Variants in SCAF1 observed in about 807,000 individuals in gnomAD.
SCAF1 encodes the protein splicing factor, arginine/serine-rich 19.
SCAF1 carries 28 observed loss-of-function variants against 91.2 expected under a neutral mutation model. The observed-to-expected ratio is 0.31, with a 90% confidence interval of 0.23 to 0.42. The LOEUF is 0.42. Among genes scored for constraint, SCAF1 ranks in the 10% least tolerant of loss-of-function variants. The probability of loss-of-function intolerance (pLI) is 1.00; values close to 1 mark genes in which losing one functional copy is unlikely to be tolerated. For synonymous variants in SCAF1, 1,036 were observed against 833.7 expected, an observed-to-expected ratio of 1.24 and a Z score of -4.18; for missense variants, 1,893 against 1,872.1, an observed-to-expected ratio of 1.01 and a Z score of -0.21.
chr19:49,645,405 G>C lies in SCAF1; in HGVS notation c.160G>C (p.Asp54His). 6.2e-7 allele frequency: 1 copy of C among 1,613,634 alleles called. No homozygotes were observed. Residue 54 changes from aspartate to histidine, a missense_variant, in exon 3 of 11, where the codon GAT (aspartate) becomes CAT (histidine). Transcript: ENST00000360565. The surrounding 1 kb of genome is among the most constrained non-coding windows in gnomAD (Gnocchi z 4.6). ...CTCCCTGCAGGGGGACCTGCCCAAT[G>C]ATAAAGGTATGGCGGCTTCCGGTTC... ...GSSLQGDLPNDKDGSRCHGLR... is the reference protein window; with the variant it reads ...GSSLQGDLPNHKDGSRCHGLR...
rs1220513337 is a variant in SCAF1, at chr19:49,651,672, C to T, written c.1283C>T (p.Thr428Met). 3 of 1,405,880 alleles carry T rather than the reference C, an allele frequency of 2.1e-6. No homozygotes were observed. The highest frequency in any genetic ancestry group is 2.8e-6 in the Non-Finnish European group (3 of 1,090,186). 87.1% of individuals were successfully genotyped at this position (1,405,880 alleles called of 1,614,324 possible). Residue 428 changes from threonine to methionine, a missense_variant, in exon 7 of 11, where the codon ACG becomes ATG. Around this residue, in one of 5 missense-constraint regions of SCAF1, gnomAD observed 1,436 missense variants for 1,306.8 expected, o/e 1.10. Coordinates refer to ENST00000360565, the MANE Select transcript of SCAF1 (RefSeq NM_021228.3). ...ACACCGGCCGCCTCGGCCACCCCCACGGCCCAGCCCCTTCCTCAGCCTCCC... is the reference window on the plus strand; with the variant it reads ...ACACCGGCCGCCTCGGCCACCCCCATGGCCCAGCCCCTTCCTCAGCCTCCC... ...RPTPAASATP[T>M]AQPLPQPPAP... is the part of the protein sequence containing the mutation.
intron 7 of SCAF1, among the ~76,000 whole-genome samples, chr19:49,653,965 G>A (rs2081122086): frequency 6.6e-6 from 1 of 152,196 alleles, no homozygotes. Context: ...ACGGGGAGTA[G>A]GAGAGAGGGA....
rs2081109897 is a variant in SCAF1, at chr19:49,652,913, C to T, written c.2524C>T (p.Arg842Cys). ...GCAGTCCAAGGTGGCGGTGCTGATC[C>T]GCGAGGGTGTCAGCAGCACCACCCC... is the stretch of plus-strand genomic sequence containing the variant. ...KLQSKVAVLI[R>C]EGVSSTTPAK... is the part of the protein sequence containing the mutation. The change falls in exon 7 of 11, where the codon CGC becomes TGC. Residue 842 changes from arginine to cysteine, a missense_variant. By Grantham distance (180) the Arg-to-Cys change is radical. Transcript: ENST00000360565. 4 of 1,613,808 alleles carry T rather than the reference C, an allele frequency of 2.5e-6. No homozygotes were observed. The highest frequency in any genetic ancestry group is 3.4e-6 in the Non-Finnish European group (4 of 1,179,966).
rs758473515 is a variant in SCAF1, at chr19:49,652,075, C to A, written c.1686C>A (p.Pro562=). 8.3e-7 allele frequency: 1 copy of A among 1,203,922 alleles called. No individual in the cohort carries two copies. The highest frequency in any genetic ancestry group is 1.0e-6 in the Non-Finnish European group (1 of 956,660). The allele number at this position is 1,203,922 out of a possible 1,614,324, so 74.6% of individuals were successfully genotyped here. The change falls in exon 7 of 11, where the codon CCC becomes CCA. Residue 562 remains proline (P), a synonymous_variant. Coordinates refer to ENST00000360565, the MANE Select transcript of SCAF1 (RefSeq NM_021228.3). Reference sequence around the variant, plus strand: ...AGCACCGCTCGCGGGACCGCAAGCCCGGCTCCCACGCCTCGTCGTCCGCCC... The same window carrying A: ...AGCACCGCTCGCGGGACCGCAAGCCAGGCTCCCACGCCTCGTCGTCCGCCC... ...SKKHRSRDRK[P]GSHASSSARR...
intron 1 of SCAF1, among the ~76,000 whole-genome samples, chr19:49,643,106 A>G (rs2081036423): frequency 6.6e-6 from 1 of 152,220 alleles, no homozygotes; most frequent in African/African-American, 2.4e-5. Flanking sequence ...CAGCTTAGAT[A>G]TACTTGCCCT....
chr19:49,646,458 T>G lies in SCAF1; in HGVS notation c.262-68T>G. 5 of 1,380,144 alleles carry G rather than the reference T, an allele frequency of 3.6e-6. No individual in the cohort carries two copies. The highest frequency in any genetic ancestry group is 1.2e-5 in the South Asian group (1 of 86,284). 85.5% of individuals were successfully genotyped at this position (1,380,144 alleles called of 1,614,324 possible). A position where few individuals can be genotyped will look rare whatever the true frequency, so the allele number is the denominator to read the frequency against. On this transcript the variant is annotated intron_variant, in intron 4 of 10. Transcript: ENST00000360565. The surrounding 1 kb of genome is among the most constrained non-coding windows in gnomAD (Gnocchi z 5.6). Reference sequence around the variant, plus strand: ...TCTGGGTTCCTGAGAGGTTAGGGAGTGGGGAAGCAGGATTTGCCAGTCTTC... The same window carrying G: ...TCTGGGTTCCTGAGAGGTTAGGGAGGGGGGAAGCAGGATTTGCCAGTCTTC...
In SCAF1 at chr19:49,653,095, C is replaced by G; in HGVS notation, c.2706C>G (p.Val902=). 6.2e-7 allele frequency: 1 copy of G among 1,612,656 alleles called. No individual in the cohort carries two copies. Among genetic ancestry groups the G allele is most frequent in the Non-Finnish European group, 8.5e-7 (1 of 1,179,316 alleles). Residue 902 remains valine, a synonymous_variant, in exon 7 of 11, where the codon GTC becomes GTG. Transcript: ENST00000360565. Reference sequence around the variant, plus strand: ...GCACCAAGCCCAAAAAGACCAAGGTCAAGGCCAAGGCAGGGGCCAAGAAAA... The same window carrying G: ...GCACCAAGCCCAAAAAGACCAAGGTGAAGGCCAAGGCAGGGGCCAAGAAAA... ...PGSTKPKKTK[V]KAKAGAKKTK...
At position 49,651,578 on chromosome 19, in the gene SCAF1, G is replaced by A. The variant is rs1420752338; in HGVS notation, c.1189G>A (p.Val397Ile). ...GDSEIEEGEI[V>I]QPEEEPRLAL... ...CTCGGAGATCGAGGAAGGGGAGATC[G>A]TCCAGCCGGAGGAGGAGCCCAGGCT... Residue 397 changes from valine (V) to isoleucine (I), a missense_variant, in exon 7 of 11, where the codon GTC (valine) becomes ATC (isoleucine). Physicochemically the swap from Val to Ile is conservative, Grantham distance 29. This residue lies in a region of SCAF1 where 1,436 missense variants were observed against 1,306.8 expected (regional missense o/e 1.10). Coordinates refer to ENST00000360565, the MANE Select transcript of SCAF1 (RefSeq NM_021228.3). 3 of 1,546,760 alleles carry A rather than the reference G, an allele frequency of 1.9e-6. No homozygotes were observed. Among genetic ancestry groups the A allele is most frequent in the African/African-American group, 2.7e-5 (2 of 73,032 alleles).
chr19:49,650,716 T>C, intron 6 of SCAF1, 152 bp from the exon 7 acceptor site: 1 of 605,236 alleles, frequency 1.7e-6, no homozygotes, highest in Non-Finnish European at 2.9e-6. Context: ...TGTGCAGTTG[T>C]TGGGAGCATC....
Position 49,645,151 on chromosome 19 carries a change from C to T in SCAF1, c.108+17C>T, listed in dbSNP as rs377095373. 9 of 1,608,714 alleles carry T rather than the reference C, an allele frequency of 5.6e-6. No individual in the cohort carries two copies. The highest frequency in any genetic ancestry group is 3.3e-5 in the Admixed American group (2 of 59,904). Reference sequence around the variant, plus strand: ...TTTATCCTGGTGAGGCTGCTGGGCTCCTGGCACTGAGGGATGGAGGAGCTG... The same window carrying T: ...TTTATCCTGGTGAGGCTGCTGGGCTTCTGGCACTGAGGGATGGAGGAGCTG... On this transcript the variant is annotated intron_variant, in intron 2 of 10. Coordinates refer to ENST00000360565, the MANE Select transcript of SCAF1 (RefSeq NM_021228.3). This position sits in a 1 kb window ranked among gnomAD's most constrained non-coding sequence, Gnocchi z 4.6.
At chr19:49,655,170 TGCTC>T (rs2122517314) in intron 9 of SCAF1, among the ~76,000 whole-genome samples, 1 of 152,266 alleles carries the variant, frequency 6.6e-6, no homozygotes, top group East Asian at 1.9e-4. Context: ...GATTATCTGT[TGCTC>T]GCGCTGTCTC....
In SCAF1 at chr19:49,645,763, G is replaced by A. The variant is rs1387077355; in HGVS notation, c.167-345G>A. On this transcript the variant is annotated intron_variant, in intron 3 of 10. Coordinates refer to ENST00000360565, the MANE Select transcript of SCAF1 (RefSeq NM_021228.3). The surrounding 1 kb of genome is among the most constrained non-coding windows in gnomAD (Gnocchi z 4.6). ...ATCAGCTGCAGCAGGCCTACAGCACGGGTGCAGCGGCGAGGGGCTGCGCTG... is the reference window on the plus strand; with the variant it reads ...ATCAGCTGCAGCAGGCCTACAGCACAGGTGCAGCGGCGAGGGGCTGCGCTG... Among the ~76,000 whole-genome samples the A allele has an allele frequency of 6.6e-6, 1 of 152,170 alleles. No individual in the cohort carries two copies. The highest frequency in any genetic ancestry group is 1.5e-5 in the Non-Finnish European group (1 of 68,020).
chr19:49,649,641 A>T (rs1345724411), intron 6 of SCAF1, among the ~76,000 whole-genome samples: 1 of 152,136 alleles, frequency 6.6e-6, no homozygotes, highest in Non-Finnish European at 1.5e-5. Flanking sequence ...GATTACAGGC[A>T]TGTGCCACCA....
Position 49,642,410 on chromosome 19 carries a change from G to C in SCAF1, c.-7+168G>C, listed in dbSNP as rs1282467788. Among the ~76,000 whole-genome samples the C allele has an allele frequency of 6.6e-6, 1 of 152,192 alleles. No homozygotes were observed. Among genetic ancestry groups the C allele is most frequent in the Non-Finnish European group, 1.5e-5 (1 of 68,018 alleles). On this transcript the variant is annotated intron_variant, in intron 1 of 10. Transcript: ENST00000360565. This position sits in a 1 kb window ranked among gnomAD's most constrained non-coding sequence, Gnocchi z 4.0. ...GCTGCGGCGAAACCTGGCGCCGAGA[G>C]GGGGGCCTTCTCAGGGCCCCGGGAC...
Position 49,646,677 on chromosome 19 carries a change from A to C in SCAF1, c.363-38A>C. 1 of 1,612,282 alleles carries C rather than the reference A, an allele frequency of 6.2e-7. No homozygotes were observed. Among genetic ancestry groups the C allele is most frequent in the Middle Eastern group, 1.7e-4 (1 of 6,050 alleles). The stretch of plus-strand genomic sequence containing the variant: ...GAGAGGCCTCAGCGTGAGAGCCAGA[A>C]GCACCCCTGAGGCTCACCCACCCCT... On this transcript the variant is annotated intron_variant, in intron 5 of 10. Transcript: ENST00000360565. The surrounding 1 kb of genome is among the most constrained non-coding windows in gnomAD (Gnocchi z 5.6).
Position 49,652,330 on chromosome 19 carries a change from G to T in SCAF1, c.1941G>T (p.Ser647=). ...GCAGCAAGAAGAAGAAGAAGCGGTC[G>T]CGGTCCCGGGGTGAGAAGCGGTCTG... is the stretch of plus-strand genomic sequence containing the variant. ...GGGSKKKKKR[S]RSRGEKRSGD... Residue 647 remains serine (S), a synonymous_variant, in exon 7 of 11, where the codon TCG becomes TCT. Transcript: ENST00000360565. 6.5e-7 allele frequency: 1 copy of T among 1,534,748 alleles called. No individual in the cohort carries two copies. The highest frequency in any genetic ancestry group is 1.2e-5 in the South Asian group (1 of 83,186).
rs755096704 is a variant in SCAF1 at position 49,658,343 on chromosome 19, A to G, written c.3883A>G (p.Lys1295Glu). The G allele has an allele frequency of 2.5e-5, 39 of 1,579,452 alleles. No individual in the cohort carries two copies. Among genetic ancestry groups the G allele is most frequent in the Non-Finnish European group, 3.3e-5 (38 of 1,165,404 alleles). The change falls in exon 11 of 11, where the codon AAG (lysine) becomes GAG (glutamate). Residue 1295 changes from lysine to glutamate, a missense_variant. By Grantham distance (56) the Lys-to-Glu change is moderately conservative. Transcript: ENST00000360565. ...GDPPGPPRPP[K>E]EPGPPDKGGP... ...CCCCCCAGGGCCCCCACGGCCGCCCAAGGAGCCAGGGCCCCCAGACAAGGG... is the reference window on the plus strand; with the variant it reads ...CCCCCCAGGGCCCCCACGGCCGCCCGAGGAGCCAGGGCCCCCAGACAAGGG...
rs140672089 is a variant in SCAF1 at position 49,646,124 on chromosome 19, T to C, written c.183T>C (p.His61=). 77 of 1,611,906 alleles carry C rather than the reference T, an allele frequency of 4.8e-5. No homozygotes were observed. Among genetic ancestry groups the C allele is most frequent in the Non-Finnish European group, 6.2e-5 (73 of 1,179,928 alleles). ...TCTCACCAGATGGCTCTCGGTGTCA[T>C]GGCCTTCGATGGCGGCGCTGCCGGA... The part of the protein sequence containing the change: ...LPNDKDGSRC[H]GLRWRRCRSP... Residue 61 remains histidine (H), a synonymous_variant, in exon 4 of 11, where the codon CAT becomes CAC. Coordinates refer to ENST00000360565, the MANE Select transcript of SCAF1 (RefSeq NM_021228.3). This position sits in a 1 kb window ranked among gnomAD's most constrained non-coding sequence, Gnocchi z 5.6.
chr19:49,654,126 C>T lies in SCAF1; in HGVS notation c.3317-223C>T, dbSNP rs528560053. On this transcript the variant is annotated intron_variant, in intron 7 of 10. Coordinates refer to ENST00000360565, the MANE Select transcript of SCAF1 (RefSeq NM_021228.3). ...TGCCACTGTCTCATCACTGCATGAC[C>T]CTGGCCAACCCCGCACCCACACACC... Among the ~76,000 whole-genome samples, 3 of 152,280 alleles carry T rather than the reference C, an allele frequency of 2.0e-5. No homozygotes were observed. In the East Asian group the frequency reaches 5.8e-4, roughly 29 times the overall value.
Sources: allele counts gnomAD v4.1 joint callset (sites outside exome capture counted in the v4.1 genomes callset), GRCh38; gene constraint gnomAD v4.1.1; regional missense constraint gnomAD v4.1.1; non-coding constraint Gnocchi (gnomAD v3.1); transcripts MANE v1.5; gene names NCBI Gene and HGNC (gene_info 2026-07-23, HGNC 2026-07-21).